LDLRAD3: variants seen among roughly 807,000 people sequenced by gnomAD.
LDLRAD3 encodes the protein low-density lipoprotein receptor class A domain-containing protein 3.
A neutral mutation model predicts 29.4 loss-of-function variants in LDLRAD3; 20 were observed. The observed-to-expected ratio is 0.68, with a 90% CI of 0.48 to 0.99. The LOEUF (loss-of-function observed/expected upper bound fraction) is 0.99, where lower values mean the gene tolerates loss of function less well. Among genes scored for constraint, LDLRAD3 ranks in the 50% least tolerant of loss-of-function variants. LDLRAD3 has a pLI of 0.00. For synonymous variants in LDLRAD3, 157 were observed against 192.7 expected, an observed-to-expected ratio of 0.81 and a Z score of 1.53; for missense variants, 420 against 454.3, an observed-to-expected ratio of 0.92 and a Z score of 0.69.
In LDLRAD3 at chr11:36,087,598, C is replaced by T. The variant is rs115540576; in HGVS notation, c.319+5820C>T. Among the ~76,000 whole-genome samples, 1,302 of 152,160 alleles carry T rather than the reference C, an allele frequency of 8.6e-3. 23 individuals are homozygous for T. Among genetic ancestry groups the T allele is most frequent in the African/African-American group, 0.029 (1,212 of 41,512 alleles). ...CTGTTTGGTGATGTCTTGACTTTAA[C>T]AAAAATAACTAGAGAGTTATATTTT... is the stretch of plus-strand genomic sequence containing the variant. On this transcript the variant is annotated intron_variant, in intron 3 of 5. Coordinates refer to ENST00000315571, the MANE Select transcript of LDLRAD3 (RefSeq NM_174902.4).
chr11:35,994,987 T>A (rs767035007), intron 1 of LDLRAD3, among the ~76,000 whole-genome samples: 3 of 152,238 alleles, frequency 2.0e-5, no homozygotes, highest in Non-Finnish European at 4.4e-5. Flanking sequence ...CTGACTGAAG[T>A]CTTGAACACC....
intron 3 of LDLRAD3, among the ~76,000 whole-genome samples, chr11:36,094,026 C>T (rs1290845927): frequency 6.6e-6 from 1 of 152,176 alleles, no homozygotes; most frequent in Non-Finnish European, 1.5e-5. Flanking sequence ...GGAGAGTGCA[C>T]CAAATAAGAA....
At chr11:36,209,540 A>G (rs562816355) in intron 4 of LDLRAD3, among the ~76,000 whole-genome samples, 142 of 151,816 alleles carry the variant, frequency 9.4e-4, no homozygotes, top group African/African-American at 3.4e-3. Flanking sequence ...TTGTATTTTT[A>G]GTAGAGACAG....
At chr11:35,981,504 T>C (rs1851541208) in intron 1 of LDLRAD3, among the ~76,000 whole-genome samples, 1 of 152,220 alleles carries the variant, frequency 6.6e-6, no homozygotes, top group African/African-American at 2.4e-5. Flanking sequence ...AACTCATGAA[T>C]ATCTCAGATT....
intron 1 of LDLRAD3, among the ~76,000 whole-genome samples, chr11:35,984,677 G>C (rs1837341086): frequency 6.6e-6 from 1 of 152,180 alleles, no homozygotes; most frequent in Non-Finnish European, 1.5e-5. Flanking sequence ...TGTTGCCCAG[G>C]CTGGAGTGCA....
intron 1 of LDLRAD3, among the ~76,000 whole-genome samples, chr11:35,982,322 G>A (rs1018791096): frequency 1.3e-4 from 20 of 152,034 alleles, no homozygotes; most frequent in African/African-American, 4.8e-4. Context: ...TATGTTCTCT[G>A]TGTGTCTCCA....
intron 3 of LDLRAD3, among the ~76,000 whole-genome samples, chr11:36,085,478 G>A (rs1402299314): frequency 1.3e-5 from 2 of 151,554 alleles, no homozygotes; most frequent in Non-Finnish European, 2.9e-5. Flanking sequence ...TGCTATACAT[G>A]TTCAGCTATT....
At chr11:36,114,369 G>A (rs574341920) in intron 4 of LDLRAD3, among the ~76,000 whole-genome samples, 190 of 152,238 alleles carry the variant, frequency 1.2e-3, no homozygotes, top group Non-Finnish European at 2.1e-3. Flanking sequence ...GTGGCTGCCC[G>A]TCTCCTTTGC....
rs561173390 is a variant in LDLRAD3 at position 36,031,436 on chromosome 11, G to T, written c.47-4667G>T. On this transcript the variant is annotated intron_variant, in intron 1 of 5. Transcript: ENST00000315571. ...ACAGATTCCACTCACATTCTAGGGGGATGAGGCAAGGGGCAGGTGGAACTT... is the reference window on the plus strand; with the variant it reads ...ACAGATTCCACTCACATTCTAGGGGTATGAGGCAAGGGGCAGGTGGAACTT... Among the ~76,000 whole-genome samples, 7 of 152,292 alleles carry T rather than the reference G, an allele frequency of 4.6e-5. No individual in the cohort carries two copies. In the East Asian group the frequency reaches 1.2e-3, roughly 25 times the overall value.
intron 4 of LDLRAD3, among the ~76,000 whole-genome samples, chr11:36,099,661 G>A (rs908980162): frequency 3.3e-5 from 5 of 152,320 alleles, no homozygotes; most frequent in South Asian, 4.1e-4. Context: ...TTAGATGTAG[G>A]TTATTTTCAA....
chr11:36,199,488 C>T (rs1855085616), intron 4 of LDLRAD3, among the ~76,000 whole-genome samples: 1 of 152,260 alleles, frequency 6.6e-6, no homozygotes, highest in East Asian at 1.9e-4. Flanking sequence ...CATTCATCTC[C>T]TCTGTGGTAC....
chr11:36,011,089 G>A (rs1029678433), intron 1 of LDLRAD3, among the ~76,000 whole-genome samples: 4 of 152,176 alleles, frequency 2.6e-5, no homozygotes, highest in Admixed American at 2.0e-4. Context: ...ACAGGCGTGA[G>A]CCACCGCACC....
chr11:35,981,835 G>A (rs192970176), intron 1 of LDLRAD3, among the ~76,000 whole-genome samples: 3 of 152,116 alleles, frequency 2.0e-5, no homozygotes, highest in African/African-American at 7.2e-5. Flanking sequence ...TGAGCGTTTG[G>A]GTGCTTGAGG....
chr11:36,214,879 A>T (rs1855330871), intron 4 of LDLRAD3, among the ~76,000 whole-genome samples: 1 of 152,232 alleles, frequency 6.6e-6, no homozygotes, highest in South Asian at 2.1e-4. Flanking sequence ...TCTCCCAGCA[A>T]ATTTTTACTA....
Position 35,944,966 on chromosome 11 carries a change from G to A in LDLRAD3, c.46+822G>A, listed in dbSNP as rs1851038351. Among the ~76,000 whole-genome samples the A allele has an allele frequency of 6.6e-6, 1 of 152,218 alleles. No individual in the cohort carries two copies. Among genetic ancestry groups the A allele is most frequent in the African/African-American group, 2.4e-5 (1 of 41,470 alleles). ...CCCAGGAACTTTTCTGCTGATGTGG[G>A]CATGATCCGAATTCCAGCCTGGGAG... is the stretch of plus-strand genomic sequence containing the variant. On this transcript the variant is annotated intron_variant, in intron 1 of 5. Coordinates refer to ENST00000315571, the MANE Select transcript of LDLRAD3 (RefSeq NM_174902.4). The surrounding 1 kb of genome is among the most constrained non-coding windows in gnomAD (Gnocchi z 4.9).
chr11:36,161,328 G>A (rs1854436283), intron 4 of LDLRAD3, among the ~76,000 whole-genome samples: 1 of 152,162 alleles, frequency 6.6e-6, no homozygotes, highest in Admixed American at 6.5e-5. Flanking sequence ...TCTAAATGAG[G>A]AAATGGAACT....
chr11:36,002,784 C>T (rs1373990118), intron 1 of LDLRAD3, among the ~76,000 whole-genome samples: 2 of 152,214 alleles, frequency 1.3e-5, no homozygotes, highest in Non-Finnish European at 2.9e-5. Flanking sequence ...GGCACACCTA[C>T]CACATTGCTT....
At chr11:36,059,143 A>T (rs2133231519) in intron 2 of LDLRAD3, among the ~76,000 whole-genome samples, 1 of 152,262 alleles carries the variant, frequency 6.6e-6, no homozygotes, top group African/African-American at 2.4e-5. Flanking sequence ...AGGTAAGAGG[A>T]CCACTTGAGC....
chr11:36,177,463 T>G (rs945864944), intron 4 of LDLRAD3, among the ~76,000 whole-genome samples: 1 of 152,172 alleles, frequency 6.6e-6, no homozygotes. Flanking sequence ...GAGGAAGGAT[T>G]GGGGGTTCAA....
Sources: gnomAD v4.1 joint callset for allele counts (sites outside exome capture counted in the v4.1 genomes callset) on GRCh38, gnomAD v4.1.1 for gene constraint, Gnocchi (gnomAD v3.1) non-coding constraint, MANE v1.5 for transcripts, NCBI Gene and HGNC (gene_info 2026-07-23, HGNC 2026-07-21) for gene names.